MECR: variants seen among roughly 807,000 people sequenced by gnomAD.
The protein encoded by MECR is mitochondrial trans-2-enoyl-CoA reductase.
A neutral mutation model predicts 49.1 loss-of-function variants in MECR; 37 were observed. The observed-to-expected ratio is 0.75, with a 90% CI of 0.58 to 0.99. The LOEUF is 0.99. Ranked by LOEUF, MECR falls within the 50% of genes least tolerant of loss-of-function variation. The pLI, the probability that MECR is intolerant of heterozygous loss-of-function variation, is 0.00. For synonymous variants in MECR, 198 were observed against 191.1 expected, an observed-to-expected ratio of 1.04 and a Z score of -0.30; for missense variants, 470 against 479.6, an observed-to-expected ratio of 0.98 and a Z score of 0.19.
At chr1:29,208,439 G>A (rs1036315994) in intron 3 of MECR, among the ~76,000 whole-genome samples, 12 of 152,222 alleles carry the variant, frequency 7.9e-5, no homozygotes, top group African/African-American at 2.9e-4. Flanking sequence ...GGCAAGAACA[G>A]CCTGACTCGC....
intron 4 of MECR, among the ~76,000 whole-genome samples, chr1:29,205,197 GTTTTT>G (rs1320155877): frequency 6.9e-6 from 1 of 144,190 alleles, no homozygotes; most frequent in Non-Finnish European, 1.6e-5. Flanking sequence ...GTTTTGTTTT[GTTTTT>G]GAGATGGTGT....
chr1:29,181,782 GC>G, the MECR span: 7 of 1,534,874 alleles, frequency 4.6e-6, no homozygotes, highest in Middle Eastern at 1.7e-4. Context: ...GCTGGCCCCG[GC>G]CCCAGCCCCC....
chr1:29,206,408 A>G (rs1425183408), intron 4 of MECR, among the ~76,000 whole-genome samples: 1 of 152,222 alleles, frequency 6.6e-6, no homozygotes, highest in Admixed American at 6.5e-5. Flanking sequence ...ATTAACACTA[A>G]GTTCAGCATT....
chr1:29,195,459 C>T (rs1226934918), intron 9 of MECR, among the ~76,000 whole-genome samples: 2 of 152,164 alleles, frequency 1.3e-5, no homozygotes, highest in South Asian at 2.1e-4. Flanking sequence ...CTCATACCTC[C>T]CTGCAGGGAG....
the MECR span, among the ~76,000 whole-genome samples, chr1:29,176,238 C>T: frequency 5.9e-5 from 9 of 151,766 alleles, no homozygotes; most frequent in Admixed American, 1.3e-4. Context: ...GGCGACAGAG[C>T]AAGACTCCAT....
At chr1:29,182,258 T>C in the MECR span, among the ~76,000 whole-genome samples, 1 of 152,174 alleles carries the variant, frequency 6.6e-6, no homozygotes, top group Non-Finnish European at 1.5e-5. Flanking sequence ...CAAACGATTG[T>C]GTACCCGTGA....
chr1:29,217,770 A>G (rs1679848076), intron 1 of MECR, among the ~76,000 whole-genome samples: 1 of 152,174 alleles, frequency 6.6e-6, no homozygotes. Context: ...TGGTCCTAAC[A>G]TATACAGGGG....
At chr1:29,212,551 A>G (rs1678280317) in intron 3 of MECR, among the ~76,000 whole-genome samples, 2 of 152,160 alleles carry the variant, frequency 1.3e-5, no homozygotes, top group Middle Eastern at 3.2e-3. Flanking sequence ...CTCCAAACTG[A>G]AAGTATTGCC....
chr1:29,217,004 G>A lies in MECR; in HGVS notation c.177-319C>T, dbSNP rs538481921. 2.0e-5 allele frequency among the ~76,000 whole-genome samples: 3 copies of A among 151,380 alleles called. No individual in the cohort carries two copies. In the South Asian group the frequency reaches 6.3e-4, roughly 32 times the overall value. ...CAAAAATTAGCTGGGCGTGGTGGTCGGCGCCTGTAATCCCAGCTACTCGGG... is the reference window on the plus strand; with the variant it reads ...CAAAAATTAGCTGGGCGTGGTGGTCAGCGCCTGTAATCCCAGCTACTCGGG... On this transcript the variant is annotated intron_variant, in intron 1 of 9. Coordinates refer to ENST00000263702, the MANE Select transcript of MECR (RefSeq NM_016011.5).
intron 3 of MECR, among the ~76,000 whole-genome samples, chr1:29,207,956 A>G (rs1677022963): frequency 6.6e-6 from 1 of 151,714 alleles, no homozygotes; most frequent in African/African-American, 2.4e-5. Flanking sequence ...TTTTTCCTAC[A>G]CAGTCCTCAT....
At chr1:29,173,796 C>T in the MECR span, among the ~76,000 whole-genome samples, 1 of 151,792 alleles carries the variant, frequency 6.6e-6, no homozygotes, top group African/African-American at 2.4e-5. Flanking sequence ...AATAGACAAG[C>T]CTTAAAGGCT....
the MECR span, among the ~76,000 whole-genome samples, chr1:29,184,046 T>C: frequency 6.6e-6 from 1 of 151,480 alleles, no homozygotes; most frequent in South Asian, 2.1e-4. Flanking sequence ...GCCCGGCTAA[T>C]TTTTTTGTAT....
the MECR span, among the ~76,000 whole-genome samples, chr1:29,182,526 A>G: frequency 6.6e-6 from 1 of 152,026 alleles, no homozygotes; most frequent in African/African-American, 2.4e-5. Context: ...CGCCGAGTAA[A>G]TTACTTGACC....
At chr1:29,189,128 C>T (rs181782399), downstream of MECR, among the ~76,000 whole-genome samples, 7 of 151,030 alleles carry the variant, frequency 4.6e-5, no homozygotes, top group South Asian at 2.1e-4. Flanking sequence ...TTAGTAGAGA[C>T]GGGGTTTCAC....
At chr1:29,176,750 G>C in the MECR span, among the ~76,000 whole-genome samples, 13 of 152,058 alleles carry the variant, frequency 8.5e-5, no homozygotes, top group Admixed American at 7.2e-4. Context: ...AAAAATTATG[G>C]TGCATTAAAC....
At chr1:29,200,256 G>T in intron 7 of MECR, 1 of 328,618 alleles carries the variant, frequency 3.0e-6, no homozygotes, top group Non-Finnish European at 5.6e-6. Context: ...ATTCCTCTAT[G>T]GCAGGCAGCT....
chr1:29,183,594 A>G, the MECR span, among the ~76,000 whole-genome samples: 1 of 152,166 alleles, frequency 6.6e-6, no homozygotes, highest in Non-Finnish European at 1.5e-5. Context: ...CAAATATCAT[A>G]TTTTGCAGAG....
Position 29,218,730 on chromosome 1 carries a change from G to T in MECR, c.177-2045C>A, listed in dbSNP as rs556259948. 1.0e-3 allele frequency among the ~76,000 whole-genome samples: 153 copies of T among 152,270 alleles called. No homozygotes were observed. The Middle Eastern group carries it at 0.02, about 20-fold the overall frequency. On this transcript the variant is annotated intron_variant, in intron 1 of 9. Coordinates refer to ENST00000263702, the MANE Select transcript of MECR (RefSeq NM_016011.5). Reference sequence around the variant, plus strand: ...TTCTAAAAATACAAAAATTAGCCAGGTGTGGTGGTGTGTGCCTGTAGTCCC... The same window carrying T: ...TTCTAAAAATACAAAAATTAGCCAGTTGTGGTGGTGTGTGCCTGTAGTCCC...
chr1:29,226,298 T>C (rs1433668648), intron 1 of MECR, among the ~76,000 whole-genome samples: 2 of 151,698 alleles, frequency 1.3e-5, no homozygotes, highest in Non-Finnish European at 2.9e-5. Context: ...GATGCTGTTT[T>C]ACAAAAGCCT....
Sources: allele counts gnomAD v4.1 joint callset (sites outside exome capture counted in the v4.1 genomes callset), GRCh38; gene constraint gnomAD v4.1.1; transcripts MANE v1.5; gene names NCBI Gene and HGNC (gene_info 2026-07-23, HGNC 2026-07-21).